Variants in NFILZ observed in about 807,000 individuals in gnomAD.
NFILZ encodes NFIL3 like protein.
At chr19:8,650,122 A>C (rs539636074) in intron 3 of NFILZ, among the ~76,000 whole-genome samples, 38 of 152,170 alleles carry the variant, frequency 2.5e-4, no homozygotes, top group Middle Eastern at 3.4e-3. Flanking sequence ...CTGAAAAAAA[A>C]AAAATTGGTT....
At chr19:8,654,663 A>G (rs1390417205) in intron 3 of NFILZ, among the ~76,000 whole-genome samples, 1 of 152,190 alleles carries the variant, frequency 6.6e-6, no homozygotes, top group Non-Finnish European at 1.5e-5. Context: ...AAATTAAAAG[A>G]AAAAGAAAAA....
Position 8,679,775 on chromosome 19 carries a change from T to C in NFILZ, c.*2140T>C, listed in dbSNP as rs73505766. On this transcript the variant is annotated 3_prime_UTR_variant, in exon 6 of 6. Coordinates refer to ENST00000691075, the MANE Select transcript of NFILZ (RefSeq NM_001378600.1). ...TTCTCATGTCACTGAGCCTCCCTTA[T>C]ACATCTATAAATGTTTACCTATAAA... Among the ~76,000 whole-genome samples the C allele has an allele frequency of 0.026, 3,908 of 152,266 alleles. 173 individuals are homozygous for C. Among genetic ancestry groups the C allele is most frequent in the African/African-American group, 0.088 (3,674 of 41,540 alleles).
chr19:8,638,115 A>G (rs1555746285), intron 3 of NFILZ, among the ~76,000 whole-genome samples: 2 of 151,944 alleles, frequency 1.3e-5, no homozygotes, highest in Non-Finnish European at 2.9e-5. Flanking sequence ...TCAACATTAG[A>G]AACTCTTTCC....
intron 4 of NFILZ, among the ~76,000 whole-genome samples, 84 bp from the exon 5 acceptor site, chr19:8,676,275 G>A (rs1287448350): frequency 1.3e-5 from 2 of 152,146 alleles, no homozygotes; most frequent in Non-Finnish European, 2.9e-5. Flanking sequence ...TACAATCTGG[G>A]CACAGTTTAG....
At chr19:8,669,909 G>C (rs1217843381) in intron 3 of NFILZ, among the ~76,000 whole-genome samples, 1 of 152,214 alleles carries the variant, frequency 6.6e-6, no homozygotes, top group Admixed American at 6.5e-5. Context: ...AGAGCAGGCT[G>C]TTGTGGGAAT....
At position 8,656,304 on chromosome 19, in the gene NFILZ, C is replaced by CTGAA. The variant is rs1316552025; in HGVS notation, c.-163-18247_-163-18246insTGAA. 2.1e-3 allele frequency among the ~76,000 whole-genome samples: 83 copies of CTGAA among 39,362 alleles called. 3 individuals are homozygous for CTGAA. Among genetic ancestry groups the CTGAA allele is most frequent in the Admixed American group, 4.5e-3 (16 of 3,532 alleles). 25.8% of individuals were successfully genotyped at this position (39,362 alleles called of 152,430 possible). A position where few individuals can be genotyped will look rare whatever the true frequency, so the allele number is the denominator to read the frequency against. ...CTTCTCCCCACAGCCCACCTCCTCC[C>CTGAA]GCAGCGCACCTCCTCCCTGAAGCCC... On this transcript the variant is annotated intron_variant, in intron 3 of 5. Coordinates refer to ENST00000691075, the MANE Select transcript of NFILZ (RefSeq NM_001378600.1).
rs559549006 is a variant in NFILZ, at chr19:8,666,241, CA to C, written c.-163-8309del. Among the ~76,000 whole-genome samples the C allele has an allele frequency of 6.6e-5, 10 of 152,146 alleles. No homozygotes were observed. The East Asian group carries it at 1.9e-3, about 29-fold the overall frequency. ...CTTCTTCTTCTTCTTATTTTTGAGACAGGGTGTCACTCCTATCATCCAGGTG... is the reference window on the plus strand; with the variant it reads ...CTTCTTCTTCTTCTTATTTTTGAGACGGGTGTCACTCCTATCATCCAGGTG... On this transcript the variant is annotated intron_variant, in intron 3 of 5. Coordinates refer to ENST00000691075, the MANE Select transcript of NFILZ (RefSeq NM_001378600.1).
intron 3 of NFILZ, among the ~76,000 whole-genome samples, chr19:8,643,029 A>G (rs900564648): frequency 6.7e-6 from 1 of 148,700 alleles, no homozygotes; most frequent in Non-Finnish European, 1.5e-5. Flanking sequence ...AGTTTACTGC[A>G]TCCTCAACCT....
chr19:8,653,043 TCTCTCTCTCTCTCTCTCTCTCTCTC>T (rs2042975900), intron 3 of NFILZ, among the ~76,000 whole-genome samples: 3 of 69,230 alleles, frequency 4.3e-5, no homozygotes, highest in African/African-American at 6.0e-5. Flanking sequence ...TTTCTTTCTC[TCTCTCTCTCTCTCTCTCTCTCTCTC>T]TCTCTCTCTC....
intron 3 of NFILZ, among the ~76,000 whole-genome samples, chr19:8,657,529 T>G (rs2043010500): frequency 6.6e-6 from 1 of 151,930 alleles, no homozygotes; most frequent in Non-Finnish European, 1.5e-5. Context: ...TTGGGAGTAT[T>G]TGTTGCAGGC....
chr19:8,654,245 C>A (rs573467326), intron 3 of NFILZ, among the ~76,000 whole-genome samples: 150 of 145,032 alleles, frequency 1.0e-3, no homozygotes, highest in African/African-American at 3.8e-3. Flanking sequence ...AACAAACAAA[C>A]AAAAACAAAC....
intron 3 of NFILZ, among the ~76,000 whole-genome samples, chr19:8,647,806 CA>C (rs2042947989): frequency 7.2e-6 from 1 of 139,488 alleles, no homozygotes; most frequent in Non-Finnish European, 1.5e-5. Context: ...CACACACACA[CA>C]CACACACACA....
chr19:8,653,585 A>G (rs991778654), intron 3 of NFILZ, among the ~76,000 whole-genome samples: 3 of 152,226 alleles, frequency 2.0e-5, no homozygotes, highest in South Asian at 2.1e-4. Context: ...GTGGCCATCA[A>G]TCAATGAGTG....
intron 2 of NFILZ, among the ~76,000 whole-genome samples, chr19:8,633,273 C>T (rs998400765): frequency 4.6e-5 from 7 of 152,114 alleles, no homozygotes; most frequent in South Asian, 4.1e-4. Flanking sequence ...GCACCCACCT[C>T]GGCCTCCCAA....
chr19:8,653,126 G>C (rs1441988179), intron 3 of NFILZ, among the ~76,000 whole-genome samples: 1 of 148,722 alleles, frequency 6.7e-6, no homozygotes, highest in Non-Finnish European at 1.5e-5. Flanking sequence ...TTGTTGCCCA[G>C]GCTGGAGCGC....
Position 8,653,011 on chromosome 19 carries a change from C to CCTTT in NFILZ, c.-164+17292_-164+17295dup, listed in dbSNP as rs1568420439. 4.2e-4 allele frequency among the ~76,000 whole-genome samples: 22 copies of CCTTT among 52,894 alleles called. 1 individual carries two copies. The highest frequency in any genetic ancestry group is 1.7e-3 in the African/African-American group (21 of 12,384). 34.7% of individuals were successfully genotyped at this position (52,894 alleles called of 152,430 possible). A position where few individuals can be genotyped will look rare whatever the true frequency, so the allele number is the denominator to read the frequency against. On this transcript the variant is annotated intron_variant, in intron 3 of 5. Transcript: ENST00000691075. Reference sequence around the variant, plus strand: ...TCCTTCCTTCCTTCCTTCCTTCCTTCCTTTCTTTCTTTCTTTCTTTCTTTC... The same window carrying CCTTT: ...TCCTTCCTTCCTTCCTTCCTTCCTTCCTTTCTTTCTTTCTTTCTTTCTTTCTTTC...
At chr19:8,660,512 G>C (rs986017225) in intron 3 of NFILZ, among the ~76,000 whole-genome samples, 4 of 151,842 alleles carry the variant, frequency 2.6e-5, no homozygotes, top group Non-Finnish European at 5.9e-5. Context: ...GTATTGAATT[G>C]TGTATACATA....
chr19:8,634,806 G>T (rs1425430736), intron 2 of NFILZ, among the ~76,000 whole-genome samples: 5 of 152,014 alleles, frequency 3.3e-5, no homozygotes, highest in African/African-American at 1.2e-4. Context: ...CTTGAATCCG[G>T]GAAGTCGAGG....
chr19:8,674,238 T>C (rs2043101320), intron 3 of NFILZ, among the ~76,000 whole-genome samples: 1 of 152,210 alleles, frequency 6.6e-6, no homozygotes, highest in Non-Finnish European at 1.5e-5. Flanking sequence ...ACTCACACAT[T>C]AGACAGATTT....
Sources: gnomAD v4.1 joint callset for allele counts (sites outside exome capture counted in the v4.1 genomes callset) on GRCh38, gnomAD v4.1.1 for gene constraint, MANE v1.5 for transcripts, NCBI Gene and HGNC (gene_info 2026-07-23, HGNC 2026-07-21) for gene names.